The following KALRN variants were observed in gnomAD, a reference collection of about 807,000 sequenced individuals.
KALRN encodes kalirin RhoGEF kinase, also known as kalirin.
In KALRN, 70 loss-of-function variants were observed where a neutral mutation model predicts 353.7. That is an observed-to-expected ratio of 0.20 (90% confidence interval 0.16 to 0.24). The LOEUF (loss-of-function observed/expected upper bound fraction) is 0.24, where lower values mean the gene tolerates loss of function less well. Among genes scored for constraint, KALRN ranks in the 10% least tolerant of loss-of-function variants. The probability of loss-of-function intolerance (pLI) is 1.00; values close to 1 mark genes in which losing one functional copy is unlikely to be tolerated. For synonymous variants in KALRN, 1,391 were observed against 1,434.8 expected, an observed-to-expected ratio of 0.97 and a Z score of 0.69; for missense variants, 2,791 against 3,756.7, an observed-to-expected ratio of 0.74 and a Z score of 6.72.
chr3:124,649,958 T>C (rs1165004807), intron 37 of KALRN, among the ~76,000 whole-genome samples: 1 of 128,770 alleles, frequency 7.8e-6, no homozygotes, highest in Non-Finnish European at 1.6e-5. Context: ...ACCCTGTCTC[T>C]AAAATAAAAT....
At chr3:124,393,978 C>A (rs182301397) in intron 11 of KALRN, among the ~76,000 whole-genome samples, 2 of 152,266 alleles carry the variant, frequency 1.3e-5, no homozygotes, top group Non-Finnish European at 2.9e-5. Flanking sequence ...ATACTGAGAA[C>A]CAACTCGATG....
chr3:124,646,534 G>T (rs988200355), intron 37 of KALRN, among the ~76,000 whole-genome samples: 2 of 151,602 alleles, frequency 1.3e-5, no homozygotes, highest in Non-Finnish European at 2.9e-5. Context: ...GGGACTACAG[G>T]CATGTGCCAC....
At chr3:124,069,578 G>T (rs535884492) in intron 1 of KALRN, among the ~76,000 whole-genome samples, 2 of 152,204 alleles carry the variant, frequency 1.3e-5, no homozygotes, top group Non-Finnish European at 2.9e-5. Flanking sequence ...TAGCACAAAA[G>T]TAGAAAATCA....
chr3:124,669,113 G>A (rs1578829141), intron 47 of KALRN, among the ~76,000 whole-genome samples: 1 of 152,236 alleles, frequency 6.6e-6, no homozygotes, highest in East Asian at 1.9e-4. Flanking sequence ...AAGTACTATT[G>A]TCCTACTTTT....
intron 42 of KALRN, 55 bp from the exon 43 acceptor site, chr3:124,659,310 A>T: frequency 8.2e-7 from 1 of 1,221,096 alleles, no homozygotes; most frequent in South Asian, 1.2e-5. Context: ...CCCTTATTCA[A>T]AGCACCCCAG....
At chr3:124,531,835 C>T (rs2068067588) in intron 33 of KALRN, among the ~76,000 whole-genome samples, 1 of 152,184 alleles carries the variant, frequency 6.6e-6, no homozygotes, top group Admixed American at 6.5e-5. Context: ...GACACAGACT[C>T]AAACCATATC....
chr3:124,684,984 C>T (rs861959), intron 51 of KALRN, among the ~76,000 whole-genome samples: 2,146 of 152,274 alleles, frequency 0.014, 51 homozygotes, highest in African/African-American at 0.049. Context: ...GCCTCCTTAT[C>T]CTAGAGCTTC....
At chr3:124,534,974 T>G (rs548600680) in intron 33 of KALRN, among the ~76,000 whole-genome samples, 1 of 151,830 alleles carries the variant, frequency 6.6e-6, no homozygotes, top group South Asian at 2.1e-4. Flanking sequence ...CTAGCCAGAG[T>G]AAAAAAATCT....
Position 124,294,748 on chromosome 3 carries a change from A to G in KALRN, c.970-4043A>G, listed in dbSNP as rs138671951. 6.5e-3 allele frequency among the ~76,000 whole-genome samples: 990 copies of G among 152,210 alleles called. 7 individuals carry two copies. The highest frequency in any genetic ancestry group is 9.6e-3 in the Non-Finnish European group (653 of 68,022). On this transcript the variant is annotated intron_variant, in intron 5 of 59. Transcript: ENST00000682506. Reference sequence around the variant, plus strand: ...CACTGACATTATTTTATTCAAAAAGATAGAAATGTAAGTTGTAGCAATGAA... The same window carrying G: ...CACTGACATTATTTTATTCAAAAAGGTAGAAATGTAAGTTGTAGCAATGAA...
At chr3:124,443,097 G>A (rs999292661) in intron 19 of KALRN, among the ~76,000 whole-genome samples, 9 of 152,142 alleles carry the variant, frequency 5.9e-5, no homozygotes, top group African/African-American at 1.9e-4. Context: ...ATTTAGATAA[G>A]TGCTATTCTA....
At chr3:124,540,735 A>T (rs2068946762) in intron 33 of KALRN, among the ~76,000 whole-genome samples, 1 of 152,166 alleles carries the variant, frequency 6.6e-6, no homozygotes, top group Non-Finnish European at 1.5e-5. Context: ...TGGTGCTGTG[A>T]AGGTCAATTT....
Position 124,426,455 on chromosome 3 carries a change from AG to A in KALRN, c.2709+3479del, listed in dbSNP as rs377544530. 2.2e-4 allele frequency among the ~76,000 whole-genome samples: 34 copies of A among 152,328 alleles called. No homozygotes were observed. The East Asian group carries it at 2.7e-3, about 12-fold the overall frequency. Reference sequence around the variant, plus strand: ...TATGTCATTAGAGCTCATAGATTAAAGGTTTAGATTTGATCATGGCCCATCA... The same window carrying A: ...TATGTCATTAGAGCTCATAGATTAAAGTTTAGATTTGATCATGGCCCATCA... On this transcript the variant is annotated intron_variant, in intron 15 of 59. Coordinates refer to ENST00000682506, the MANE Select transcript of KALRN (RefSeq NM_001388419.1).
intron 1 of KALRN, among the ~76,000 whole-genome samples, chr3:124,107,836 G>A (rs2149474507): frequency 6.6e-6 from 1 of 152,280 alleles, no homozygotes; most frequent in Non-Finnish European, 1.5e-5. Flanking sequence ...TTACAGGCTG[G>A]AAAATCCAGC....
intron 13 of KALRN, among the ~76,000 whole-genome samples, chr3:124,402,437 T>C (rs772346068): frequency 4.6e-5 from 7 of 152,246 alleles, no homozygotes; most frequent in Non-Finnish European, 2.9e-5. Context: ...AGACATTTTA[T>C]ATAAACTAGT....
In KALRN at chr3:124,719,175, G is replaced by A. The variant is rs752905629; in HGVS notation, c.8666G>A (p.Cys2889Tyr). The part of the protein sequence containing the change: ...PFLDESKEET[C>Y]INVCRVDFSF... ...TTGGATGAGAGCAAAGAGGAGACAT[G>A]TATCAACGTATGCAGGGTGGATTTC... is the stretch of plus-strand genomic sequence containing the variant. Residue 2889 changes from cysteine (C) to tyrosine (Y), a missense_variant, in exon 60 of 60, where the codon TGT (cysteine) becomes TAT (tyrosine). Transcript: ENST00000682506. The surrounding 1 kb of genome is among the most constrained non-coding windows in gnomAD (Gnocchi z 5.3). 3 of 1,614,268 alleles carry A rather than the reference G, an allele frequency of 1.9e-6. No individual in the cohort carries two copies. The highest frequency in any genetic ancestry group is 2.5e-6 in the Non-Finnish European group (3 of 1,180,050).
chr3:124,716,570 G>A (rs1429223855), intron 58 of KALRN, among the ~76,000 whole-genome samples: 1 of 152,158 alleles, frequency 6.6e-6, no homozygotes, highest in African/African-American at 2.4e-5. Flanking sequence ...TGGTGGGGTA[G>A]GGGAGGGACA....
chr3:124,634,056 C>G, intron 36 of KALRN, 103 bp downstream of exon 36: 1 of 837,772 alleles, frequency 1.2e-6, no homozygotes, highest in East Asian at 2.7e-5. Context: ...CATGTTATCT[C>G]GTCGTCCACA....
chr3:124,227,489 GA>G (rs1454751178), intron 1 of KALRN, among the ~76,000 whole-genome samples: 1 of 152,020 alleles, frequency 6.6e-6, no homozygotes, highest in Non-Finnish European at 1.5e-5. Context: ...TGTGCCAGAG[GA>G]AAGGCAAGAA....
chr3:124,040,275 T>C (rs776895945), intron 1 of KALRN, among the ~76,000 whole-genome samples: 24 of 152,248 alleles, frequency 1.6e-4, no homozygotes, highest in Non-Finnish European at 2.9e-4. Flanking sequence ...TCTTCTTAGA[T>C]GTTGGAAATG....
Sources: allele counts gnomAD v4.1 joint callset (sites outside exome capture counted in the v4.1 genomes callset), GRCh38; gene constraint gnomAD v4.1.1; non-coding constraint Gnocchi (gnomAD v3.1); transcripts MANE v1.5; gene names NCBI Gene and HGNC (gene_info 2026-07-23, HGNC 2026-07-21).